The following ACTN4 variants were observed in gnomAD, a reference collection of about 807,000 sequenced individuals.
ACTN4 encodes actinin alpha 4.
Under a neutral mutation model 114.2 loss-of-function variants are expected in ACTN4, and 18 were observed. That is an observed-to-expected ratio of 0.16 (90% CI 0.11 to 0.23). The LOEUF (loss-of-function observed/expected upper bound fraction) is 0.23, where lower values mean the gene tolerates loss of function less well. ACTN4 is among the 10% of genes least tolerant of loss of function. ACTN4 has a pLI of 1.00. For missense variants in ACTN4, 722 were observed against 1,262.9 expected, an observed-to-expected ratio of 0.57 and a Z score of 6.49; for synonymous variants, 515 against 506.3, an observed-to-expected ratio of 1.02 and a Z score of -0.23.
At chr19:38,677,580 C>T (rs61411111) in intron 1 of ACTN4, among the ~76,000 whole-genome samples, 1,727 of 113,368 alleles carry the variant, frequency 0.015, 26 homozygotes, top group African/African-American at 0.049. Context: ...GCCCCACTCA[C>T]CCCTGCCAGG....
At chr19:38,673,523 ATATT>A (rs1967220478) in intron 1 of ACTN4, among the ~76,000 whole-genome samples, 1 of 111,042 alleles carries the variant, frequency 9.0e-6, no homozygotes, top group East Asian at 2.4e-4. Context: ...ATATTTATAT[ATATT>A]CATATATACT....
chr19:38,649,065 G>A (rs1412564377), intron 1 of ACTN4, among the ~76,000 whole-genome samples: 1 of 151,110 alleles, frequency 6.6e-6, no homozygotes, highest in Non-Finnish European at 1.5e-5. Context: ...GGCAGAATGA[G>A]TTTGGGGAGG....
chr19:38,722,717 T>C (rs1303221968), intron 12 of ACTN4, among the ~76,000 whole-genome samples: 1 of 151,894 alleles, frequency 6.6e-6, no homozygotes, highest in African/African-American at 2.4e-5. Context: ...GGTGTGGGGG[T>C]GGGACACAGG....
chr19:38,690,440 C>CT (rs1433822419), intron 1 of ACTN4, among the ~76,000 whole-genome samples: 2 of 152,238 alleles, frequency 1.3e-5, no homozygotes, highest in African/African-American at 4.8e-5. Context: ...CCTAATCGAG[C>CT]TAAACACTAG....
At chr19:38,677,304 T>C (rs1967409909) in intron 1 of ACTN4, among the ~76,000 whole-genome samples, 1 of 152,204 alleles carries the variant, frequency 6.6e-6, no homozygotes, top group Admixed American at 6.5e-5. Context: ...CCCTACCATG[T>C]GGGACATTGT....
At chr19:38,687,269 A>C (rs1441422993) in intron 1 of ACTN4, among the ~76,000 whole-genome samples, 1 of 152,144 alleles carries the variant, frequency 6.6e-6, no homozygotes, top group Non-Finnish European at 1.5e-5. Flanking sequence ...CCCTGCACCC[A>C]GCCCCTCTGG....
chr19:38,730,805 TGCTC>T lies in ACTN4; in HGVS notation c.*1374_*1377del. ...CAGGCAAGGCCTAGGGAGGTGGTCTTGCTCAGCAACCCTGCCCTGAGCAGCAGGT... is the reference window on the plus strand; with the variant it reads ...CAGGCAAGGCCTAGGGAGGTGGTCTTAGCAACCCTGCCCTGAGCAGCAGGT... On this transcript the variant is annotated 3_prime_UTR_variant, in exon 21 of 21. Transcript: ENST00000252699. The T allele has an allele frequency of 6.5e-7, 1 of 1,549,782 alleles. No individual in the cohort carries two copies. The highest frequency in any genetic ancestry group is 1.4e-5 in the African/African-American group (1 of 73,174).
At chr19:38,673,721 A>T (rs1345527790) in intron 1 of ACTN4, among the ~76,000 whole-genome samples, 4 of 44,436 alleles carry the variant, frequency 9.0e-5, no homozygotes, top group East Asian at 6.8e-4. Flanking sequence ...ATATATTTAT[A>T]TATACTTATA....
In ACTN4 at chr19:38,730,612, C is replaced by CTTAAGCTGTCAACGTGG; in HGVS notation, c.*1181_*1197dup. Reference sequence around the variant, plus strand: ...AGAGCCAGGGCAGAGCTAGCACTGTCTTAAGCTGTCAACGTGGACTAGCTC... The same window carrying CTTAAGCTGTCAACGTGG: ...AGAGCCAGGGCAGAGCTAGCACTGTCTTAAGCTGTCAACGTGGTTAAGCTGTCAACGTGGACTAGCTC... On this transcript the variant is annotated 3_prime_UTR_variant, in exon 21 of 21. Transcript: ENST00000252699. 1.7e-6 allele frequency: 1 copy of CTTAAGCTGTCAACGTGG among 603,514 alleles called. No individual in the cohort carries two copies. Among genetic ancestry groups the CTTAAGCTGTCAACGTGG allele is most frequent in the East Asian group, 2.8e-5 (1 of 36,140 alleles). The allele number at this position is 603,514 out of a possible 1,614,324, so 37.4% of individuals were successfully genotyped here. A position where few individuals can be genotyped will look rare whatever the true frequency, so the allele number is the denominator to read the frequency against.
At chr19:38,703,740 T>C (rs962774223) in intron 3 of ACTN4, among the ~76,000 whole-genome samples, 1 of 151,998 alleles carries the variant, frequency 6.6e-6, no homozygotes, top group Admixed American at 6.6e-5. Flanking sequence ...CAACATGTGA[T>C]TTCACTAGTG....
rs532541416 is a variant in ACTN4 at position 38,656,609 on chromosome 19, C to T, written c.162+8702C>T. On this transcript the variant is annotated intron_variant, in intron 1 of 20. Transcript: ENST00000252699. ...CACATGGGGCAGAAGTAGTTGGAAG[C>T]GGCAGTTACTACCCTGCAGAACACA... Among the ~76,000 whole-genome samples the T allele has an allele frequency of 7.6e-4, 116 of 152,320 alleles. 2 individuals are homozygous for T. The highest frequency in any genetic ancestry group is 6.8e-3 in the Middle Eastern group (2 of 294).
At chr19:38,668,772 G>A (rs547431528) in intron 1 of ACTN4, among the ~76,000 whole-genome samples, 10 of 152,332 alleles carry the variant, frequency 6.6e-5, no homozygotes, top group Admixed American at 6.5e-4. Flanking sequence ...AGATGTAAAT[G>A]TGGTCTTGTT....
intron 1 of ACTN4, among the ~76,000 whole-genome samples, chr19:38,693,065 C>T (rs1967981218): frequency 6.6e-6 from 1 of 152,236 alleles, no homozygotes; most frequent in South Asian, 2.1e-4. Context: ...CAGGCTGGTC[C>T]TCCTGGGTGA....
At chr19:38,689,601 G>A (rs781552278) in intron 1 of ACTN4, among the ~76,000 whole-genome samples, 3 of 152,172 alleles carry the variant, frequency 2.0e-5, no homozygotes, top group Non-Finnish European at 4.4e-5. Context: ...AGGCTTAAGT[G>A]TTCCTCCCAC....
chr19:38,707,214 T>C (rs1968491206), intron 5 of ACTN4, among the ~76,000 whole-genome samples: 1 of 152,132 alleles, frequency 6.6e-6, no homozygotes, highest in Non-Finnish European at 1.5e-5. Flanking sequence ...ACTAACTGAC[T>C]GAATCTTTCT....
chr19:38,662,415 A>G (rs1976915910), intron 1 of ACTN4, among the ~76,000 whole-genome samples: 2 of 152,228 alleles, frequency 1.3e-5, no homozygotes, highest in African/African-American at 4.8e-5. Flanking sequence ...TGGGTAGAGT[A>G]TAACGGAGCA....
At chr19:38,702,459 G>A (rs1475781676) in intron 3 of ACTN4, among the ~76,000 whole-genome samples, 1 of 152,220 alleles carries the variant, frequency 6.6e-6, no homozygotes, top group Non-Finnish European at 1.5e-5. Flanking sequence ...GGTCAGAGAA[G>A]CAGCTGGTGG....
intron 12 of ACTN4, 125 bp from the exon 13 acceptor site, chr19:38,723,489 G>A: frequency 1.3e-6 from 1 of 748,744 alleles, no homozygotes; most frequent in South Asian, 1.5e-5. Context: ...TTAGTGATTG[G>A]TTGCTGATAT....
intron 4 of ACTN4, 78 bp from the exon 5 acceptor site, chr19:38,705,966 G>C (rs915114532): frequency 6.7e-7 from 1 of 1,494,460 alleles, no homozygotes; most frequent in Admixed American, 1.7e-5. Context: ...GGCCTGAGCC[G>C]AAAGTCCCAT....
Sources: allele counts gnomAD v4.1 joint callset (sites outside exome capture counted in the v4.1 genomes callset), GRCh38; gene constraint gnomAD v4.1.1; transcripts MANE v1.5; gene names NCBI Gene and HGNC (gene_info 2026-07-23, HGNC 2026-07-21).